MARF1: variants seen among roughly 807,000 people sequenced by gnomAD.
The protein encoded by MARF1 is limkain-b1.
MARF1 carries 24 observed loss-of-function variants against 168.2 expected under a neutral mutation model. That is an observed-to-expected ratio of 0.14 (90% CI 0.10 to 0.20). The LOEUF (loss-of-function observed/expected upper bound fraction) is 0.20. Among genes scored for constraint, MARF1 ranks in the 10% least tolerant of loss-of-function variants. The pLI, the probability that MARF1 is intolerant of heterozygous loss-of-function variation, is 1.00. For synonymous variants in MARF1, 868 were observed against 822.4 expected, an observed-to-expected ratio of 1.06 and a Z score of -0.95; for missense variants, 1,744 against 2,143.6, an observed-to-expected ratio of 0.81 and a Z score of 3.68.
chr16:15,633,821 A>G lies in MARF1; in HGVS notation c.1029T>C (p.Ala343=). 6.2e-7 allele frequency: 1 copy of G among 1,612,524 alleles called. No homozygotes were observed. ...GGGGTAAGTTTTCTAGCACCTGTCC[A>G]GCTACTGCAACTTCTGGTGACCCTT... ...SKFGSPEVAV[A]GQVLENLPPI... is the part of the protein sequence containing the mutation. The change falls in exon 5 of 27, where the codon GCT becomes GCC. Residue 343 remains alanine, a synonymous_variant. Transcript: ENST00000396368.
intron 6 of MARF1, 82 bp from the exon 7 acceptor site, chr16:15,630,586 TGA>T: frequency 7.7e-7 from 1 of 1,294,056 alleles, no homozygotes; most frequent in Non-Finnish European, 1.0e-6. Flanking sequence ...TGACACCCAC[TGA>T]GAAGAAAGGA....
chr16:15,600,947 T>G (rs747057543), intron 23 of MARF1: 22 of 694,138 alleles, frequency 3.2e-5, no homozygotes, highest in African/African-American at 7.0e-5. Context: ...ATATCCTTTA[T>G]AATTCTTAAA....
chr16:15,616,882 G>C (rs936935543), intron 15 of MARF1, 170 bp downstream of exon 15: 9 of 871,116 alleles, frequency 1.0e-5, no homozygotes, highest in Non-Finnish European at 1.4e-5. Context: ...TCCATGGTTG[G>C]CCAAAATTTT....
intron 2 of MARF1, among the ~76,000 whole-genome samples, chr16:15,637,231 C>T (rs984493137): frequency 2.0e-5 from 3 of 152,204 alleles, no homozygotes; most frequent in African/African-American, 7.2e-5. Flanking sequence ...GACCACCTGG[C>T]ACAGTACCTA....
chr16:15,608,047 T>C (rs2033166746), intron 21 of MARF1, among the ~76,000 whole-genome samples: 2 of 152,138 alleles, frequency 1.3e-5, no homozygotes, highest in Admixed American at 6.6e-5. Flanking sequence ...CACAAAGGCA[T>C]TGCTTTGGCA....
Position 15,639,188 on chromosome 16 carries a change from C to G in MARF1, c.46G>C (p.Gly16Arg). 6.2e-7 allele frequency: 1 copy of G among 1,614,120 alleles called. No homozygotes were observed. The highest frequency in any genetic ancestry group is 8.5e-7 in the Non-Finnish European group (1 of 1,179,998). ...GTENSCSRTR[G>R]WLQQDNDAKP... ...GCATCATTATCTTGTTGAAGCCATC[C>G]ACGTGTTCTACTGCAGGAGTTCTCA... The change falls in exon 2 of 27, where the codon GGA (glycine) becomes CGA (arginine). Residue 16 changes from glycine (G) to arginine (R), a missense_variant. Transcript: ENST00000396368.
intron 22 of MARF1, 84 bp from the exon 23 acceptor site, chr16:15,602,287 A>G: frequency 9.1e-7 from 1 of 1,096,806 alleles, no homozygotes. Context: ...CTGAGGGAAA[A>G]GGCCCAGAGT....
At chr16:15,611,512 T>C in intron 18 of MARF1, 80 bp downstream of exon 18, 1 of 1,169,842 alleles carries the variant, frequency 8.5e-7, no homozygotes, top group Non-Finnish European at 1.2e-6. Context: ...ATAGAAATAC[T>C]AGATAACTAT....
Position 15,624,821 on chromosome 16 carries a change from C to T in MARF1, c.2218G>A (p.Val740Ile). The T allele has an allele frequency of 6.2e-7, 1 of 1,614,218 alleles. No homozygotes were observed. Among genetic ancestry groups the T allele is most frequent in the Non-Finnish European group, 8.5e-7 (1 of 1,180,034 alleles). ...VSYPSAFSKLVASRQVSPLLA... is the reference protein window; with the variant it reads ...VSYPSAFSKLIASRQVSPLLA... ...AGAGGACTGACTTGCCTGGATGCAA[C>T]TAACTTGCTAAAAGCAGACGGGTAA... Residue 740 changes from valine to isoleucine, a missense_variant, in exon 10 of 27, where the codon GTT becomes ATT. Physicochemically the swap from Val to Ile is conservative, Grantham distance 29 (BLOSUM62 3). Transcript: ENST00000396368.
In MARF1 at chr16:15,625,036, G is replaced by T. The variant is rs200959834; in HGVS notation, c.2091C>A (p.Pro697=). ...STPKNSGVAE[P]VYKTSQKKEN... Reference sequence around the variant, plus strand: ...CATACTTCTGACTGGTTTTGTAAACGGGTTCTGCCACCCCCGAGTTTTTCG... The same window carrying T: ...CATACTTCTGACTGGTTTTGTAAACTGGTTCTGCCACCCCCGAGTTTTTCG... The change falls in exon 9 of 27, where the codon CCC becomes CCA. Residue 697 remains proline (P), a synonymous_variant. Transcript: ENST00000396368. 3 of 1,614,142 alleles carry T rather than the reference G, an allele frequency of 1.9e-6. No individual in the cohort carries two copies. Among genetic ancestry groups the T allele is most frequent in the Non-Finnish European group, 2.5e-6 (3 of 1,180,034 alleles).
chr16:15,635,018 C>CT lies in MARF1; in HGVS notation c.832-88dup, dbSNP rs1467786434. 4.3e-6 allele frequency: 5 copies of CT among 1,174,544 alleles called. No individual in the cohort carries two copies. In the East Asian group the frequency reaches 1.2e-4, roughly 29 times the overall value. 72.8% of individuals were successfully genotyped at this position (1,174,544 alleles called of 1,614,324 possible). A position where few individuals can be genotyped will look rare whatever the true frequency, so the allele number is the denominator to read the frequency against. On this transcript the variant is annotated intron_variant, in intron 3 of 26. Coordinates refer to ENST00000396368, the MANE Select transcript of MARF1 (RefSeq NM_014647.4). ...TATATACAACAACTGAAAATACACT[C>CT]TAAGTGTTTTACCTTTCCACTTGCT...
intron 21 of MARF1, among the ~76,000 whole-genome samples, chr16:15,606,269 T>G (rs917760070): frequency 6.6e-6 from 1 of 152,150 alleles, no homozygotes; most frequent in Non-Finnish European, 1.5e-5. Context: ...ATGCTGGCAC[T>G]GACATTCTTG....
At position 15,595,275 on chromosome 16, in the gene MARF1, T is replaced by C. The variant is rs1240081772; in HGVS notation, c.*1418A>G. On this transcript the variant is annotated 3_prime_UTR_variant, in exon 27 of 27. Transcript: ENST00000396368. ...GAACAAAAAATCTGACTTGTAAAAA[T>C]CTCTCTATAGCCCTTATTTTGTGGC... The C allele has an allele frequency of 6.6e-6, 1 of 152,492 alleles. No homozygotes were observed. The highest frequency in any genetic ancestry group is 1.5e-5 in the Non-Finnish European group (1 of 68,028). 9.4% of individuals were successfully genotyped at this position (152,492 alleles called of 1,614,324 possible).
At position 15,610,994 on chromosome 16, in the gene MARF1, C is replaced by T; in HGVS notation, c.3732G>A (p.Val1244=). The change falls in exon 19 of 27, where the codon GTG becomes GTA. Residue 1244 remains valine (V), a synonymous_variant. Transcript: ENST00000396368. ...ICLSQQDNEM[V]ICIPKRERTQ... The stretch of plus-strand genomic sequence containing the variant: ...ACATACCTCTTTTGGGGATACAAAT[C>T]ACCATTTCATTATCTTGTTGGGACA... 2 of 1,613,834 alleles carry T rather than the reference C, an allele frequency of 1.2e-6. No individual in the cohort carries two copies. The highest frequency in any genetic ancestry group is 1.7e-6 in the Non-Finnish European group (2 of 1,179,842).
chr16:15,613,143 C>T (rs2033721149), intron 16 of MARF1, among the ~76,000 whole-genome samples: 1 of 152,226 alleles, frequency 6.6e-6, no homozygotes, highest in Admixed American at 6.5e-5. Flanking sequence ...CGTACCTTTC[C>T]ACAAAGTTAT....
chr16:15,627,477 G>A (rs2034949236), intron 7 of MARF1, among the ~76,000 whole-genome samples: 1 of 152,186 alleles, frequency 6.6e-6, no homozygotes, highest in Admixed American at 6.5e-5. Context: ...AATTAGCCAG[G>A]CGTGGTGGCG....
intron 19 of MARF1, 69 bp downstream of exon 19, chr16:15,610,906 T>G (rs2033474893): frequency 6.7e-7 from 1 of 1,494,546 alleles, no homozygotes; most frequent in Non-Finnish European, 9.2e-7. Context: ...AACCACATCT[T>G]CCATGCCACA....
At chr16:15,622,903 A>G in intron 11 of MARF1, 31 bp downstream of exon 11, 1 of 1,546,894 alleles carries the variant, frequency 6.5e-7, no homozygotes, top group Non-Finnish European at 8.8e-7. Flanking sequence ...CAGAGAGTAT[A>G]ACAAAGCAAG....
intron 1 of MARF1, among the ~76,000 whole-genome samples, chr16:15,640,738 T>A (rs1328246100): frequency 6.6e-6 from 1 of 152,208 alleles, no homozygotes; most frequent in Non-Finnish European, 1.5e-5. Context: ...AATGTCAGTG[T>A]CCATAAATAA....
Sources: gnomAD v4.1 joint callset for allele counts (sites outside exome capture counted in the v4.1 genomes callset) on GRCh38, gnomAD v4.1.1 for gene constraint, MANE v1.5 for transcripts, NCBI Gene and HGNC (gene_info 2026-07-23, HGNC 2026-07-21) for gene names.